ADGRD1: variants seen among roughly 807,000 people sequenced by gnomAD.
ADGRD1 encodes the protein adhesion G protein-coupled receptor D1, also known as G-protein coupled receptor 133.
ADGRD1 carries 77 observed loss-of-function variants against 113.4 expected under a neutral mutation model. The ratio of observed to expected loss-of-function variants is 0.68; its 90% CI spans 0.57 to 0.82. The LOEUF (loss-of-function observed/expected upper bound fraction) is 0.82, where lower values mean the gene tolerates loss of function less well. Ranked by LOEUF, ADGRD1 falls within the 40% of genes least tolerant of loss-of-function variation. The pLI, the probability that ADGRD1 is intolerant of heterozygous loss-of-function variation, is 0.00. For missense variants in ADGRD1, 1,036 were observed against 1,139.1 expected, an observed-to-expected ratio of 0.91 and a Z score of 1.30; for synonymous variants, 474 against 475.0, an observed-to-expected ratio of 1.00 and a Z score of 0.03.
rs1439943284 is a variant in ADGRD1 at position 131,104,843 on chromosome 12, C to T, written c.1684C>T (p.His562Tyr). Residue 562 changes from histidine to tyrosine, a missense_variant, in exon 16 of 25, where the codon CAC becomes TAC. By Grantham distance (83) the His-to-Tyr change is moderately conservative. Coordinates refer to ENST00000261654, the MANE Select transcript of ADGRD1 (RefSeq NM_198827.5). ...CTGCTCCCCGCAGCTTGCACGCGGACACCAGGTGGCGCTGTCGTCTATCAG... is the reference window on the plus strand; with the variant it reads ...CTGCTCCCCGCAGCTTGCACGCGGATACCAGGTGGCGCTGTCGTCTATCAG... ...QVVPLELARG[H>Y]QVALSSISYV... 8 of 1,548,356 alleles carry T rather than the reference C, an allele frequency of 5.2e-6. No individual in the cohort carries two copies. The South Asian group carries it at 8.3e-5, about 16-fold the overall frequency.
At chr12:131,135,241 G>GTA (rs1199751649) in intron 21 of ADGRD1, among the ~76,000 whole-genome samples, 3 of 152,178 alleles carry the variant, frequency 2.0e-5, no homozygotes, top group Non-Finnish European at 4.4e-5. Flanking sequence ...ATGAAACCCT[G>GTA]TATCACCTTA....
chr12:131,067,279 T>TGG (rs1382323070), intron 13 of ADGRD1, among the ~76,000 whole-genome samples: 7 of 152,118 alleles, frequency 4.6e-5, no homozygotes, highest in African/African-American at 1.7e-4. Context: ...GAGCTGGAGC[T>TGG]AGAATGGAGG....
At chr12:130,968,489 C>T (rs1871263301) in intron 3 of ADGRD1, 1 of 158,226 alleles carries the variant, frequency 6.3e-6, no homozygotes, top group Non-Finnish European at 1.4e-5. Context: ...ATAGCTTTGG[C>T]AAGCCTTTTG....
intron 3 of ADGRD1, chr12:130,968,641 G>C (rs964350616): frequency 3.4e-6 from 1 of 295,750 alleles, no homozygotes; most frequent in Non-Finnish European, 6.3e-6. Context: ...TGTTGAGCCT[G>C]TGTTATGAGT....
chr12:131,123,876 C>T (rs1950672033), intron 20 of ADGRD1, among the ~76,000 whole-genome samples: 1 of 151,744 alleles, frequency 6.6e-6, no homozygotes, highest in East Asian at 1.9e-4. Context: ...CAGCAAACTG[C>T]AGCAGTGTGG....
chr12:131,118,514 C>A (rs1041482599), intron 19 of ADGRD1, 63 bp downstream of exon 19: 108 of 1,278,454 alleles, frequency 8.4e-5, no homozygotes, highest in Non-Finnish European at 4.2e-5. Flanking sequence ...TGGCGAGAGC[C>A]CCGTGGCTCT....
chr12:131,037,283 T>TGGGACTCACTCACTGCACC (rs1881590002), intron 13 of ADGRD1, among the ~76,000 whole-genome samples: 1 of 131,940 alleles, frequency 7.6e-6, no homozygotes, highest in Non-Finnish European at 1.6e-5. Flanking sequence ...GTCACTGCAC[T>TGGGACTCACTCACTGCACC]GGGTCTCACT....
In ADGRD1 at chr12:131,057,111, A is replaced by G. The variant is rs916170270; in HGVS notation, c.1474-19690A>G. 1.3e-5 allele frequency among the ~76,000 whole-genome samples: 2 copies of G among 152,228 alleles called. No individual in the cohort carries two copies. The highest frequency in any genetic ancestry group is 2.4e-5 in the African/African-American group (1 of 41,454). Reference sequence around the variant, plus strand: ...AATTTAGAGAGATGATTTTGTGGCAACGACTTGGGTGTAATTTTTGAAGTG... The same window carrying G: ...AATTTAGAGAGATGATTTTGTGGCAGCGACTTGGGTGTAATTTTTGAAGTG... On this transcript the variant is annotated intron_variant, in intron 13 of 24. Coordinates refer to ENST00000261654, the MANE Select transcript of ADGRD1 (RefSeq NM_198827.5). The surrounding 1 kb of genome is among the most constrained non-coding windows in gnomAD (Gnocchi z 4.2).
chr12:131,129,855 G>A (rs1022796613), intron 20 of ADGRD1, among the ~76,000 whole-genome samples: 9 of 152,274 alleles, frequency 5.9e-5, no homozygotes, highest in African/African-American at 2.2e-4. Flanking sequence ...CTCTCTGTGT[G>A]ATGCTGTAGC....
At chr12:131,098,425 C>T (rs893790154) in intron 15 of ADGRD1, among the ~76,000 whole-genome samples, 13 of 151,970 alleles carry the variant, frequency 8.6e-5, no homozygotes, top group African/African-American at 2.9e-4. Context: ...CCATGAGGGA[C>T]GAGGCTCCAG....
intron 4 of ADGRD1, among the ~76,000 whole-genome samples, chr12:130,976,588 C>T (rs73473207): frequency 0.016 from 2,375 of 152,204 alleles, 60 homozygotes; most frequent in African/African-American, 0.053. Context: ...GTTTGGTGGG[C>T]GCCGTGTTGA....
At chr12:130,975,029 A>G (rs1430709437) in intron 4 of ADGRD1, among the ~76,000 whole-genome samples, 1 of 152,122 alleles carries the variant, frequency 6.6e-6, no homozygotes, top group Non-Finnish European at 1.5e-5. Flanking sequence ...CCATTCTTGA[A>G]TGTTAAGCTT....
At chr12:131,012,190 G>GA (rs1344355607) in intron 12 of ADGRD1, among the ~76,000 whole-genome samples, 3 of 151,582 alleles carry the variant, frequency 2.0e-5, no homozygotes, top group African/African-American at 4.8e-5. Flanking sequence ...AAGTTTATTA[G>GA]AAAAAAATGT....
intron 23 of ADGRD1, chr12:131,137,623 G>A (rs117211649): frequency 0.052 from 11,087 of 212,522 alleles, 426 homozygotes; most frequent in Non-Finnish European, 0.078. Context: ...TCTCAGTGGC[G>A]GTGTCCGTTT....
chr12:131,041,990 C>T lies in ADGRD1; in HGVS notation c.1473+27650C>T, dbSNP rs555719011. On this transcript the variant is annotated intron_variant, in intron 13 of 24. Transcript: ENST00000261654. This position sits in a 1 kb window ranked among gnomAD's most constrained non-coding sequence, Gnocchi z 4.4. ...TTCCTTCGCAGTCGGGTTTGTTATC[C>T]GAGTCCCCGAGGAGAAGGCACCATG... 2.0e-5 allele frequency among the ~76,000 whole-genome samples: 3 copies of T among 152,294 alleles called. No individual in the cohort carries two copies. Among genetic ancestry groups the T allele is most frequent in the African/African-American group, 4.8e-5 (2 of 41,570 alleles).
chr12:131,108,719 C>A lies in ADGRD1; in HGVS notation c.1888-5C>A. ...TCTCACTTCCCATCTCTGGTTAAATCCTAGACCCCCTGCCAAGTGATGGCC... is the reference window on the plus strand; with the variant it reads ...TCTCACTTCCCATCTCTGGTTAAATACTAGACCCCCTGCCAAGTGATGGCC... On this transcript the variant is annotated splice_region_variant and splice_polypyrimidine_tract_variant and intron_variant, in intron 17 of 24. Transcript: ENST00000261654. 6.2e-7 allele frequency: 1 copy of A among 1,614,110 alleles called. No individual in the cohort carries two copies. Among genetic ancestry groups the A allele is most frequent in the Non-Finnish European group, 8.5e-7 (1 of 1,180,000 alleles).
intron 5 of ADGRD1, among the ~76,000 whole-genome samples, chr12:130,982,586 A>G (rs1318817263): frequency 6.6e-6 from 1 of 152,112 alleles, no homozygotes; most frequent in Non-Finnish European, 1.5e-5. Flanking sequence ...TGTTTAAAGC[A>G]TGACGAGAAG....
chr12:131,131,941 G>A (rs556964138), intron 21 of ADGRD1, 125 bp downstream of exon 21: 449 of 681,056 alleles, frequency 6.6e-4, no homozygotes, highest in Middle Eastern at 5.0e-3. Flanking sequence ...CACTTGCTCC[G>A]TGTCCCTGCC....
chr12:131,017,341 C>T (rs531706650), intron 13 of ADGRD1, among the ~76,000 whole-genome samples: 1 of 146,044 alleles, frequency 6.8e-6, no homozygotes, highest in South Asian at 2.3e-4. Flanking sequence ...ACAGTCCACA[C>T]ACACCCAGTC....
Sources: gnomAD v4.1 joint callset for allele counts (sites outside exome capture counted in the v4.1 genomes callset) on GRCh38, gnomAD v4.1.1 for gene constraint, Gnocchi (gnomAD v3.1) non-coding constraint, MANE v1.5 for transcripts, NCBI Gene and HGNC (gene_info 2026-07-23, HGNC 2026-07-21) for gene names.